The following CRHR2 variants were observed in gnomAD, a reference collection of about 807,000 sequenced individuals.
CRHR2 encodes corticotropin releasing hormone receptor 2.
A neutral mutation model predicts 57.9 loss-of-function variants in CRHR2; 53 were observed. The ratio of observed to expected loss-of-function variants is 0.92; its 90% CI spans 0.73 to 1.15. The LOEUF is 1.15. Among genes scored for constraint, CRHR2 ranks in the 50% most tolerant of loss-of-function variants. The pLI is 0.00. For synonymous variants in CRHR2, 213 were observed against 220.9 expected, an observed-to-expected ratio of 0.96 and a Z score of 0.32; for missense variants, 532 against 542.6, an observed-to-expected ratio of 0.98 and a Z score of 0.19.
intron 1 of CRHR2, among the ~76,000 whole-genome samples, chr7:30,696,485 G>A (rs1785060082): frequency 6.6e-6 from 1 of 152,188 alleles, no homozygotes; most frequent in Non-Finnish European, 1.5e-5. Flanking sequence ...ACTTTGGGAG[G>A]CCGAGGTGGG....
chr7:30,691,040 G>A (rs965948307), intron 1 of CRHR2, among the ~76,000 whole-genome samples: 8 of 152,228 alleles, frequency 5.3e-5, no homozygotes, highest in Middle Eastern at 3.4e-3. Flanking sequence ...CCAGCTTCTC[G>A]GGCATCAGGA....
chr7:30,682,962 A>C (rs911557184), upstream of CRHR2, among the ~76,000 whole-genome samples: 1 of 152,234 alleles, frequency 6.6e-6, no homozygotes, highest in Admixed American at 6.5e-5. Context: ...GGAGGGAAGC[A>C]GGGAGACACC....
intron 2 of CRHR2, among the ~76,000 whole-genome samples, chr7:30,675,224 G>A (rs1454533023): frequency 6.6e-6 from 1 of 152,174 alleles, no homozygotes; most frequent in Non-Finnish European, 1.5e-5. Flanking sequence ...TGTACCTGGG[G>A]CCCAGCCAAG....
At chr7:30,699,895 T>C in intron 1 of CRHR2, 3 of 1,425,570 alleles carry the variant, frequency 2.1e-6, no homozygotes, top group Non-Finnish European at 2.8e-6. Context: ...AGCTGGGAGC[T>C]CCGTGCTCCT....
chr7:30,662,953 G>T, intron 5 of CRHR2, 106 bp from the exon 6 acceptor site: 4 of 1,330,286 alleles, frequency 3.0e-6, no homozygotes, highest in Non-Finnish European at 4.1e-6. Context: ...AAGGGGGTTC[G>T]TGGACATGCC....
Position 30,653,443 on chromosome 7 carries a change from G to T in CRHR2, c.*17C>A. On this transcript the variant is annotated 3_prime_UTR_variant, in exon 12 of 12. Coordinates refer to ENST00000471646, the MANE Select transcript of CRHR2 (RefSeq NM_001883.5). This position sits in a 1 kb window ranked among gnomAD's most constrained non-coding sequence, Gnocchi z 5.0. ...TGGAGGAGGACAGGGGAGCTGTGCA[G>T]GTGGGCGACCGAGGGGTCACACAGC... The T allele has an allele frequency of 6.2e-7, 1 of 1,611,814 alleles. No homozygotes were observed. Among genetic ancestry groups the T allele is most frequent in the Non-Finnish European group, 8.5e-7 (1 of 1,179,034 alleles).
In CRHR2 at chr7:30,653,181, A is replaced by C. The variant is rs1000001973; in HGVS notation, c.*279T>G. ...CTGGGCCCAGTAAGGCCCTGGCCAG[A>C]GAGGCTGGGATGGGCAAATGCCTGC... is the stretch of plus-strand genomic sequence containing the variant. On this transcript the variant is annotated 3_prime_UTR_variant, in exon 12 of 12. Coordinates refer to ENST00000471646, the MANE Select transcript of CRHR2 (RefSeq NM_001883.5). This position sits in a 1 kb window ranked among gnomAD's most constrained non-coding sequence, Gnocchi z 5.0. The C allele has an allele frequency of 4.8e-6, 2 of 413,060 alleles. No individual in the cohort carries two copies. Among genetic ancestry groups the C allele is most frequent in the Non-Finnish European group, 8.8e-6 (2 of 227,380 alleles). The allele number at this position is 413,060 out of a possible 1,614,324, so 25.6% of individuals were successfully genotyped here.
intron 1 of CRHR2, among the ~76,000 whole-genome samples, chr7:30,695,175 G>A (rs994232500): frequency 1.3e-5 from 2 of 151,400 alleles, no homozygotes; most frequent in African/African-American, 4.9e-5. Flanking sequence ...CGGGCGAGGG[G>A]TGGGGTGTCA....
At chr7:30,655,001 T>C (rs1783724702) in intron 11 of CRHR2, 38 bp downstream of exon 11, 4 of 1,607,316 alleles carry the variant, frequency 2.5e-6, no homozygotes, top group East Asian at 2.2e-5. Flanking sequence ...TCTGAGGACC[T>C]GGATATCCCA....
Position 30,653,596 on chromosome 7 carries a change from C to T in CRHR2, c.1100G>A (p.Arg367His), listed in dbSNP as rs199502493. The change falls in exon 12 of 12, where the codon CGC (arginine) becomes CAC (histidine). Residue 367 changes from arginine to histidine, a missense_variant. Arg to His is a conservative substitution (Grantham distance 29). Coordinates refer to ENST00000471646, the MANE Select transcript of CRHR2 (RefSeq NM_001883.5). This position sits in a 1 kb window ranked among gnomAD's most constrained non-coding sequence, Gnocchi z 5.0. ...VFYCFFNGEV[R>H]SAVRKRWHRW... ...GTGCCACCTCTTCCTCACGGCTGAG[C>T]GCACCTGTGGGGAAGGCAGAGGCTC... The T allele has an allele frequency of 5.8e-5, 94 of 1,609,362 alleles. No homozygotes were observed. In the East Asian group the frequency reaches 8.0e-4, roughly 14 times the overall value.
chr7:30,667,125 G>C, intron 3 of CRHR2, 103 bp downstream of exon 3: 1 of 983,474 alleles, frequency 1.0e-6, no homozygotes, highest in Non-Finnish European at 1.6e-6. Flanking sequence ...GGAGTGACTG[G>C]GTGACAAAAG....
rs1360784986 is a variant in CRHR2 at position 30,653,346 on chromosome 7, G to A, written c.*114C>T. ...ACCCCCTCTTTCCTGCCAGGCTGGA[G>A]AGCTGGTCTCTCCCCTCCCATCTCC... is the stretch of plus-strand genomic sequence containing the variant. On this transcript the variant is annotated 3_prime_UTR_variant, in exon 12 of 12. Coordinates refer to ENST00000471646, the MANE Select transcript of CRHR2 (RefSeq NM_001883.5). The surrounding 1 kb of genome is among the most constrained non-coding windows in gnomAD (Gnocchi z 5.0). 3.5e-6 allele frequency: 5 copies of A among 1,441,458 alleles called. No individual in the cohort carries two copies. Among genetic ancestry groups the A allele is most frequent in the Non-Finnish European group, 1.9e-6 (2 of 1,071,432 alleles). The allele number at this position is 1,441,458 out of a possible 1,614,324, so 89.3% of individuals were successfully genotyped here. A position where few individuals can be genotyped will look rare whatever the true frequency, so the allele number is the denominator to read the frequency against.
Position 30,681,914 on chromosome 7 carries a change from C to A in CRHR2, c.229+1G>T. The A allele has an allele frequency of 6.2e-7, 1 of 1,607,792 alleles. No individual in the cohort carries two copies. The highest frequency in any genetic ancestry group is 8.5e-7 in the Non-Finnish European group (1 of 1,177,612). ...AGGCAGCGAGGGCCGGGGGCACTCA[C>A]GGGTCGTGTTGTACTTGACGCCGTT... is the stretch of plus-strand genomic sequence containing the variant. On this transcript the variant is annotated splice_donor_variant, in intron 2 of 11. Coordinates refer to ENST00000471646, the MANE Select transcript of CRHR2 (RefSeq NM_001883.5). LOFTEE classifies it high-confidence loss of function.
Position 30,653,646 on chromosome 7 carries a change from G to A in CRHR2, c.1096-46C>T, listed in dbSNP as rs1270018357. 1.3e-6 allele frequency: 2 copies of A among 1,559,322 alleles called. No homozygotes were observed. The highest frequency in any genetic ancestry group is 4.5e-5 in the East Asian group (2 of 44,424). On this transcript the variant is annotated intron_variant, in intron 11 of 11. Transcript: ENST00000471646. The surrounding 1 kb of genome is among the most constrained non-coding windows in gnomAD (Gnocchi z 5.0). ...CAGCTGGCTCCCAGGGACCAACCCT[G>A]GGCTTCTGGGACCATCCCCTCCTCT...
intron 2 of CRHR2, among the ~76,000 whole-genome samples, chr7:30,679,796 A>G (rs899982186): frequency 6.6e-6 from 1 of 152,192 alleles, no homozygotes; most frequent in Non-Finnish European, 1.5e-5. Flanking sequence ...AGAAGCAGGA[A>G]GCAGCACTGA....
intron 2 of CRHR2, among the ~76,000 whole-genome samples, chr7:30,687,973 A>G (rs1263522567): frequency 6.6e-6 from 1 of 152,218 alleles, no homozygotes; most frequent in Non-Finnish European, 1.5e-5. Context: ...TAAACAGATG[A>G]GGAAACTAGC....
rs571038643 is a variant in CRHR2 at position 30,655,097 on chromosome 7, G to A, written c.1054-17C>T. 3.7e-6 allele frequency: 6 copies of A among 1,612,516 alleles called. No homozygotes were observed. The highest frequency in any genetic ancestry group is 1.6e-4 in the Middle Eastern group (1 of 6,062). ...GAAGAAACCCTGGAAAGGAGGGAAA[G>A]GAGGGAGTGGTCAGTGACCTACCTG... On this transcript the variant is annotated splice_polypyrimidine_tract_variant and intron_variant, in intron 10 of 11. Transcript: ENST00000471646.
chr7:30,686,105 T>C (rs149885361), upstream of CRHR2, among the ~76,000 whole-genome samples: 987 of 152,332 alleles, frequency 6.5e-3, 7 homozygotes, highest in Middle Eastern at 0.034. Context: ...CAGAACAATG[T>C]GTCACTACCA....
At chr7:30,699,352 C>T in intron 1 of CRHR2, among the ~76,000 whole-genome samples, 1 of 152,268 alleles carries the variant, frequency 6.6e-6, no homozygotes, top group Non-Finnish European at 1.5e-5. Context: ...GCTGGTTCTC[C>T]CAGAGCCCAC....
Sources: gnomAD v4.1 joint callset for allele counts (sites outside exome capture counted in the v4.1 genomes callset) on GRCh38, gnomAD v4.1.1 for gene constraint, Gnocchi (gnomAD v3.1) non-coding constraint, MANE v1.5 for transcripts, NCBI Gene and HGNC (gene_info 2026-07-23, HGNC 2026-07-21) for gene names.